Variants in PRRC2B observed in about 807,000 individuals in gnomAD.
The protein encoded by PRRC2B is proline rich coiled-coil 2B.
In PRRC2B, 68 loss-of-function variants were observed where a neutral mutation model predicts 242.3. That is an observed-to-expected ratio of 0.28 (90% CI 0.23 to 0.34). PRRC2B has a LOEUF of 0.34. Ranked by LOEUF, PRRC2B falls within the 10% of genes least tolerant of loss-of-function variation. The pLI is 1.00. For synonymous variants in PRRC2B, 1,228 were observed against 1,173.6 expected, an observed-to-expected ratio of 1.05 and a Z score of -0.95; for missense variants, 2,835 against 2,954.8, an observed-to-expected ratio of 0.96 and a Z score of 0.94.
At position 131,446,977 on chromosome 9, in the gene PRRC2B, C is replaced by T. The variant is rs1362395679; in HGVS notation, c.856-108C>T. The T allele has an allele frequency of 2.1e-6, 3 of 1,419,478 alleles. No homozygotes were observed. The highest frequency in any genetic ancestry group is 2.9e-6 in the Non-Finnish European group (3 of 1,029,942). 87.9% of individuals were successfully genotyped at this position (1,419,478 alleles called of 1,614,324 possible). ...ATTAATTAGGAAACCCCATGACTTTCCTGTTTCTTTTTCCCATTTTCCACT... is the reference window on the plus strand; with the variant it reads ...ATTAATTAGGAAACCCCATGACTTTTCTGTTTCTTTTTCCCATTTTCCACT... On this transcript the variant is annotated intron_variant, in intron 7 of 31. Coordinates refer to ENST00000683519, the MANE Select transcript of PRRC2B (RefSeq NM_013318.4). The surrounding 1 kb of genome is among the most constrained non-coding windows in gnomAD (Gnocchi z 4.1).
intron 1 of PRRC2B, among the ~76,000 whole-genome samples, chr9:131,381,065 G>GGCAA (rs1358147187): frequency 6.6e-6 from 1 of 151,952 alleles, no homozygotes; most frequent in Non-Finnish European, 1.5e-5. Flanking sequence ...CGCTACATAG[G>GGCAA]GCAAGACTTG....
chr9:131,479,335 T>A lies in PRRC2B; in HGVS notation c.4842T>A (p.Gly1614=). ...AGAACAACTTATGTCTGGAGCAAGG[T>A]GACGTGACCGTGCCTGGCAGCAGCC... ...KKQNNLCLEQ[G]DVTVPGSSLG... The change falls in exon 19 of 32, where the codon GGT becomes GGA. Residue 1614 remains glycine, a synonymous_variant. Coordinates refer to ENST00000683519, the MANE Select transcript of PRRC2B (RefSeq NM_013318.4). 6.2e-7 allele frequency: 1 copy of A among 1,613,918 alleles called. No homozygotes were observed. The highest frequency in any genetic ancestry group is 1.1e-5 in the South Asian group (1 of 91,074).
At chr9:131,410,716 A>AT (rs963379368) in intron 1 of PRRC2B, among the ~76,000 whole-genome samples, 2 of 151,882 alleles carry the variant, frequency 1.3e-5, no homozygotes, top group Non-Finnish European at 2.9e-5. Context: ...AATTTTATTC[A>AT]TTTTTTCTTT....
intron 16 of PRRC2B, 74 bp from the exon 17 acceptor site, chr9:131,477,670 T>G (rs1302070533): frequency 1.1e-6 from 1 of 895,838 alleles, no homozygotes; most frequent in Non-Finnish European, 1.7e-6. Flanking sequence ...CGGGCTTGTG[T>G]GCAGGCTGTG....
intron 10 of PRRC2B, among the ~76,000 whole-genome samples, chr9:131,457,257 C>G (rs1386539893): frequency 6.6e-6 from 1 of 152,192 alleles, no homozygotes; most frequent in Non-Finnish European, 1.5e-5. Flanking sequence ...TCCTGGAACA[C>G]TAAGCTCAGA....
chr9:131,403,677 AAAC>A (rs200693670), intron 1 of PRRC2B, among the ~76,000 whole-genome samples: 3,612 of 76,896 alleles, frequency 0.047, 81 homozygotes, highest in African/African-American at 0.089. Context: ...AAAAAAAAAA[AAAC>A]AAAATTAAAA....
At chr9:131,417,979 T>A (rs963625274) in intron 1 of PRRC2B, among the ~76,000 whole-genome samples, 1 of 152,186 alleles carries the variant, frequency 6.6e-6, no homozygotes, top group African/African-American at 2.4e-5. Flanking sequence ...TAAGGCTGGT[T>A]TTGATGTCTG....
Position 131,470,997 on chromosome 9 carries a change from T to C in PRRC2B, c.2107+14T>C. ...TGCATCCCTCAGGTAAGCACTGTGG[T>C]CTGACGGTCCATACCTGTATCACCC... On this transcript the variant is annotated intron_variant, in intron 14 of 31. Transcript: ENST00000683519. The C allele has an allele frequency of 6.3e-7, 1 of 1,595,012 alleles. No individual in the cohort carries two copies. Among genetic ancestry groups the C allele is most frequent in the Non-Finnish European group, 8.6e-7 (1 of 1,167,316 alleles).
chr9:131,495,262 T>TGG (rs1020484859), intron 31 of PRRC2B, among the ~76,000 whole-genome samples: 2 of 148,220 alleles, frequency 1.3e-5, no homozygotes, highest in African/African-American at 5.0e-5. Context: ...GTGGGAATGG[T>TGG]GGGGGGGTTG....
At chr9:131,420,487 T>TTCTCTCTTTCTC (rs1564278599) in intron 1 of PRRC2B, among the ~76,000 whole-genome samples, 1 of 24,688 alleles carries the variant, frequency 4.1e-5, no homozygotes, top group African/African-American at 1.2e-4. Flanking sequence ...CTTTCTTTCT[T>TTCTCTCTTTCTC]TCTTTCTTTT....
At chr9:131,388,260 G>C (rs13289612) in intron 1 of PRRC2B, among the ~76,000 whole-genome samples, 1 of 107,146 alleles carries the variant, frequency 9.3e-6, no homozygotes, top group African/African-American at 3.5e-5. Context: ...TTTTTTTTTA[G>C]ATGGAGATTC....
intron 5 of PRRC2B, 81 bp downstream of exon 5, chr9:131,439,142 C>G (rs924738641): frequency 8.3e-7 from 1 of 1,209,698 alleles, no homozygotes; most frequent in Non-Finnish European, 1.2e-6. Context: ...CTGGTTGGGT[C>G]TAGGCACCCA....
At chr9:131,393,118 G>A (rs547542208), upstream of PRRC2B, among the ~76,000 whole-genome samples, 1 of 152,170 alleles carries the variant, frequency 6.6e-6, no homozygotes, top group Admixed American at 6.5e-5. Context: ...CCAGCAGTGT[G>A]GCCTGGGGCA....
At chr9:131,383,615 T>C (rs1253127732) in intron 1 of PRRC2B, among the ~76,000 whole-genome samples, 1 of 149,432 alleles carries the variant, frequency 6.7e-6, no homozygotes, top group Non-Finnish European at 1.5e-5. Flanking sequence ...TTTTTTTTTT[T>C]TTTTGAGACA....
Position 131,394,123 on chromosome 9 carries a change from G to C in PRRC2B, c.-192G>C, listed in dbSNP as rs1049043689. On this transcript the variant is annotated 5_prime_UTR_variant, in exon 1 of 32. Coordinates refer to ENST00000683519, the MANE Select transcript of PRRC2B (RefSeq NM_013318.4). ...GAGGCTCCACCGCGCAGCGACGAGC[G>C]AGCCCGGGAGGAGGGAGGGAGCGAG... 1.5e-4 allele frequency: 23 copies of C among 149,238 alleles called. No individual in the cohort carries two copies. The highest frequency in any genetic ancestry group is 3.3e-4 in the Non-Finnish European group (22 of 66,518). 9.2% of individuals were successfully genotyped at this position (149,238 alleles called of 1,614,324 possible). A position where few individuals can be genotyped will look rare whatever the true frequency, so the allele number is the denominator to read the frequency against.
intron 1 of PRRC2B, among the ~76,000 whole-genome samples, chr9:131,376,469 G>A (rs1026960606): frequency 1.3e-5 from 2 of 151,518 alleles, no homozygotes; most frequent in East Asian, 1.9e-4. Flanking sequence ...TGGGTGTTCA[G>A]CAATCCTCAT....
At chr9:131,464,195 G>A (rs998922389) in intron 11 of PRRC2B, among the ~76,000 whole-genome samples, 2 of 152,248 alleles carry the variant, frequency 1.3e-5, no homozygotes, top group Non-Finnish European at 2.9e-5. Flanking sequence ...ACCCGCCTCA[G>A]ACTCCCAAAG....
At position 131,476,379 on chromosome 9, in the gene PRRC2B, C is replaced by T; in HGVS notation, c.4250C>T (p.Ala1417Val). Residue 1417 changes from alanine to valine, a missense_variant, in exon 16 of 32, where the codon GCC becomes GTC. This residue lies in a region of PRRC2B where 1,536 missense variants were observed against 1,483.1 expected (regional missense o/e 1.04). Transcript: ENST00000683519. The part of the protein sequence containing the change: ...GASLGEKKEL[A>V]KRSFSSQRPV... ...AGTTTGGGTGAGAAGAAGGAGCTGGCCAAGAGGAGCTTCTCCAGTCAGAGA... is the reference window on the plus strand; with the variant it reads ...AGTTTGGGTGAGAAGAAGGAGCTGGTCAAGAGGAGCTTCTCCAGTCAGAGA... The T allele has an allele frequency of 6.2e-7, 1 of 1,601,828 alleles. No homozygotes were observed. The highest frequency in any genetic ancestry group is 1.3e-5 in the African/African-American group (1 of 74,808).
chr9:131,422,072 T>C (rs1163298725), intron 1 of PRRC2B, among the ~76,000 whole-genome samples: 1 of 152,168 alleles, frequency 6.6e-6, no homozygotes, highest in Non-Finnish European at 1.5e-5. Flanking sequence ...TATTTTATTT[T>C]AAGATGGGTG....
Sources: gnomAD v4.1 joint callset for allele counts (sites outside exome capture counted in the v4.1 genomes callset) on GRCh38, gnomAD v4.1.1 for gene constraint, gnomAD v4.1.1 regional missense constraint, Gnocchi (gnomAD v3.1) non-coding constraint, MANE v1.5 for transcripts, NCBI Gene and HGNC (gene_info 2026-07-23, HGNC 2026-07-21) for gene names.